FOXP3: variants seen among roughly 807,000 people sequenced by gnomAD.
FOXP3 encodes forkhead box protein P3.
FOXP3 carries 5 observed loss-of-function variants against 31.2 expected under a neutral mutation model. The observed-to-expected ratio is 0.16, with a 90% CI of 0.08 to 0.34. The LOEUF (loss-of-function observed/expected upper bound fraction) is 0.34. FOXP3 is among the 10% of genes least tolerant of loss of function. The pLI is 1.00. For missense variants in FOXP3, 251 were observed against 363.0 expected, an observed-to-expected ratio of 0.69 and a Z score of 2.51; for synonymous variants, 141 against 148.8, an observed-to-expected ratio of 0.95 and a Z score of 0.38.
In FOXP3 at chrX:49,251,102, TGGG is replaced by T; in HGVS notation, c.*229_*231del. On this transcript the variant is annotated 3_prime_UTR_variant, in exon 12 of 12. Transcript: ENST00000376207. ...CTGGGGGGTGTGTCTGGGGCGGAGG[TGGG>T]GGCTGGGGCCAGGACCGGGGCCCCT... The T allele has an allele frequency of 3.2e-6, 1 of 316,968 alleles. No homozygotes were observed. The highest frequency in any genetic ancestry group is 4.5e-5 in the East Asian group (1 of 22,366). 26.1% of individuals were successfully genotyped at this position (316,968 alleles called of 1,213,427 possible).
At chrX:49,253,892 C>T (rs1557115909) in intron 9 of FOXP3, 25 bp downstream of exon 9, 3 of 1,210,063 alleles carry the variant, frequency 2.5e-6, no homozygotes, top group Admixed American at 2.2e-5. Context: ...TTGGGGGCAC[C>T]GTGTAGTGCA....
intron 1 of FOXP3, among the ~76,000 whole-genome samples, chrX:49,261,497 G>A (rs2066109762): frequency 8.9e-6 from 1 of 112,535 alleles, no homozygotes; most frequent in South Asian, 3.6e-4. Context: ...ACTCTCTAGA[G>A]GGGCCCCACA....
In FOXP3 at chrX:49,250,835, CT is replaced by C; in HGVS notation, c.*498del. The C allele has an allele frequency of 4.4e-6, 1 of 227,275 alleles. No individual in the cohort carries two copies. Among genetic ancestry groups the C allele is most frequent in the South Asian group, 5.5e-5 (1 of 18,309 alleles). The allele number at this position is 227,275 out of a possible 1,213,427, so 18.7% of individuals were successfully genotyped here. A position where few individuals can be genotyped will look rare whatever the true frequency, so the allele number is the denominator to read the frequency against. On this transcript the variant is annotated 3_prime_UTR_variant, in exon 12 of 12. Transcript: ENST00000376207. ...CCTGAGGCTGGCTGTGGGTGCGTGC[CT>C]TGGGGTGTGTGGGTTGTCAGGGCTG...
chrX:49,257,738 G>T lies in FOXP3; in HGVS notation c.241C>A (p.Pro81Thr). Reference protein sequence around the residue: ...LPTLPLVMVAPSGARLGPLPH... With the variant: ...LPTLPLVMVATSGARLGPLPH... ...AAGGGGCCCAGCCGTGCCCCGGAGG[G>T]TGCCACCATGACTAGGGGCAGTGTG... The change falls in exon 3 of 12, where the codon CCC becomes ACC. Residue 81 changes from proline (P) to threonine (T), a missense_variant. By Grantham distance (38) the Pro-to-Thr change is conservative. Coordinates refer to ENST00000376207, the MANE Select transcript of FOXP3 (RefSeq NM_014009.4). 1.7e-6 allele frequency: 2 copies of T among 1,174,031 alleles called. No individual in the cohort carries two copies. Among genetic ancestry groups the T allele is most frequent in the Non-Finnish European group, 2.3e-6 (2 of 875,531 alleles).
chrX:49,255,833 C>G, intron 6 of FOXP3, 31 bp from the exon 7 acceptor site: 1 of 1,135,748 alleles, frequency 8.8e-7, no homozygotes, highest in Non-Finnish European at 1.2e-6. Flanking sequence ...ATGCAGGTGA[C>G]CACGACAGGC....
At chrX:49,260,803 C>A (rs995775451) in intron 1 of FOXP3, among the ~76,000 whole-genome samples, 1 of 113,036 alleles carries the variant, frequency 8.8e-6, no homozygotes, top group Non-Finnish European at 1.9e-5. Context: ...GACGTCATGG[C>A]GGCCGGATGC....
chrX:49,256,295 G>C (rs1299074130), intron 6 of FOXP3, among the ~76,000 whole-genome samples: 1 of 105,709 alleles, frequency 9.5e-6, no homozygotes. Context: ...GGACTGAGGG[G>C]AGGCAGCAGC....
At chrX:49,255,586 G>T in intron 7 of FOXP3, 77 bp from the exon 8 acceptor site, 1 of 1,102,328 alleles carries the variant, frequency 9.1e-7, no homozygotes, top group East Asian at 3.2e-5. Context: ...GGTCTTCCCT[G>T]GGAGTGCCCG....
intron 1 of FOXP3, among the ~76,000 whole-genome samples, chrX:49,259,416 AGAG>A (rs1472658889): frequency 1.8e-5 from 2 of 110,257 alleles, no homozygotes; most frequent in African/African-American, 6.6e-5. Flanking sequence ...CAAGTGACAG[AGAG>A]GAGGAGAGAT....
intron 8 of FOXP3, among the ~76,000 whole-genome samples, 182 bp downstream of exon 8, chrX:49,255,247 G>A (rs782745641): frequency 4.4e-5 from 5 of 112,441 alleles, no homozygotes; most frequent in African/African-American, 9.7e-5. Flanking sequence ...ACGCCCAGCC[G>A]GGGTCAGAGG....
At chrX:49,262,763 A>G (rs1557117355) in intron 1 of FOXP3, among the ~76,000 whole-genome samples, 1 of 111,967 alleles carries the variant, frequency 8.9e-6, no homozygotes, top group Non-Finnish European at 1.9e-5. Flanking sequence ...AAAATCACAC[A>G]TAGGGCTTGG....
At chrX:49,254,158 G>A (rs782513967) in intron 8 of FOXP3, 91 bp from the exon 9 acceptor site, 2 of 1,013,000 alleles carry the variant, frequency 2.0e-6, no homozygotes, top group African/African-American at 1.9e-5. Context: ...TTGATACTGA[G>A]TCTTGCTCTG....
chrX:49,261,506 C>T (rs1271351757), intron 1 of FOXP3, among the ~76,000 whole-genome samples: 1 of 112,495 alleles, frequency 8.9e-6, no homozygotes, highest in Non-Finnish European at 1.9e-5. Flanking sequence ...AGGGGCCCCA[C>T]AATCAAGGTT....
Position 49,251,182 on chromosome X carries a change from G to A in FOXP3, c.*152C>T, listed in dbSNP as rs1602678916. 3 of 705,330 alleles carry A rather than the reference G, an allele frequency of 4.3e-6. No homozygotes were observed. The highest frequency in any genetic ancestry group is 2.6e-5 in the South Asian group (1 of 38,896). The allele number at this position is 705,330 out of a possible 1,213,427, so 58.1% of individuals were successfully genotyped here. On this transcript the variant is annotated 3_prime_UTR_variant, in exon 12 of 12. Transcript: ENST00000376207. ...GATGGGGGAGGGGGTGGCTGCCAGCGGGGGAACAGGGGCCCTGGCAGGCAA... is the reference window on the plus strand; with the variant it reads ...GATGGGGGAGGGGGTGGCTGCCAGCAGGGGAACAGGGGCCCTGGCAGGCAA...
At chrX:49,264,593 C>T in intron 1 of FOXP3, 68 bp downstream of exon 1, 5 of 681,874 alleles carry the variant, frequency 7.3e-6, no homozygotes, top group Non-Finnish European at 8.7e-6. Flanking sequence ...ACCCCCCCGC[C>T]GTGCCTACCT....
intron 10 of FOXP3, chrX:49,251,972 G>A (rs2066036062): frequency 1.4e-6 from 1 of 706,304 alleles, no homozygotes; most frequent in African/African-American, 2.4e-5. Flanking sequence ...GATGGGTGTG[G>A]GTATGGTTGT....
chrX:49,250,859 C>T lies in FOXP3; in HGVS notation c.*475G>A, dbSNP rs1450818048. ...CCTTGGGGTGTGTGGGTTGTCAGGG[C>T]TGTGCTTGTGTGTGATTGTGTGATG... On this transcript the variant is annotated 3_prime_UTR_variant, in exon 12 of 12. Coordinates refer to ENST00000376207, the MANE Select transcript of FOXP3 (RefSeq NM_014009.4). The T allele has an allele frequency of 4.5e-6, 1 of 223,842 alleles. No homozygotes were observed. Among genetic ancestry groups the T allele is most frequent in the Non-Finnish European group, 8.1e-6 (1 of 122,937 alleles). The allele number at this position is 223,842 out of a possible 1,213,427, so 18.4% of individuals were successfully genotyped here.
intron 6 of FOXP3, among the ~76,000 whole-genome samples, chrX:49,256,220 AAGAGAGAGAGAGAGAGAGAGAGAGAG>A (rs782303757): frequency 0.55 from 36,777 of 66,763 alleles, 7,870 homozygotes; most frequent in South Asian, 0.71. Context: ...GAGAGAGAGA[AAGAGAGAGAGAGAGAGAGAGAGAGAG>A]AGAGAGAGAG....
chrX:49,256,855 G>A lies in FOXP3; in HGVS notation c.543C>T (p.Ser181=), dbSNP rs2232367. ...FPNPSAPRKD[S]TLSAVPQSSY... ...AGCTCTGGGGCACAGCCGAAAGGGT[G>A]CTGGGGGGACAGAGGGTGTCAGGGG... Residue 181 remains serine, a splice_region_variant and synonymous_variant, in exon 6 of 12, where the codon AGC becomes AGT. Coordinates refer to ENST00000376207, the MANE Select transcript of FOXP3 (RefSeq NM_014009.4). The A allele has an allele frequency of 0.034, 41,262 of 1,209,803 alleles. 594 individuals are homozygous for A. The highest frequency in any genetic ancestry group is 0.049 in the Middle Eastern group (212 of 4,350).
Sources: gnomAD v4.1 joint callset for allele counts (sites outside exome capture counted in the v4.1 genomes callset) on GRCh38, gnomAD v4.1.1 for gene constraint, MANE v1.5 for transcripts, NCBI Gene and HGNC (gene_info 2026-07-23, HGNC 2026-07-21) for gene names.